The following PSMF1 variants were observed in gnomAD, a reference collection of about 807,000 sequenced individuals.
The protein encoded by PSMF1 is proteasome inhibitor PI31 subunit.
PSMF1 carries 30 observed loss-of-function variants against 29.3 expected under a neutral mutation model. The observed-to-expected ratio is 1.02, with a 90% confidence interval of 0.77 to 1.39. PSMF1 has a LOEUF of 1.39. Ranked by LOEUF, PSMF1 falls within the 40% of genes most tolerant of loss-of-function variation. The probability of loss-of-function intolerance (pLI) is 0.00; values close to 1 mark genes in which losing one functional copy is unlikely to be tolerated. For synonymous variants in PSMF1, 134 were observed against 139.7 expected (o/e 0.96, Z 0.29); for missense variants, 344 against 357.5 (o/e 0.96, Z 0.31).
At chr20:1,130,910 C>T (rs190368836) in intron 3 of PSMF1, among the ~76,000 whole-genome samples, 1 of 152,346 alleles carries the variant, frequency 6.6e-6, no homozygotes, top group East Asian at 1.9e-4. Context: ...CATTTACCTT[C>T]TTAGGGTTGG....
intron 4 of PSMF1, among the ~76,000 whole-genome samples, chr20:1,146,079 C>T (rs2086445519): frequency 6.6e-6 from 1 of 152,120 alleles, no homozygotes; most frequent in South Asian, 2.1e-4. Flanking sequence ...GGTTGGGCCC[C>T]TGCTTTAGAG....
Position 1,166,315 on chromosome 20 carries a change from A to C in PSMF1, c.*1235A>C. The stretch of plus-strand genomic sequence containing the variant: ...GCACCAGGCTAAGAGGCACGAGATC[A>C]AGGCGGTAGTCACTTCCGCTCTGCA... On this transcript the variant is annotated 3_prime_UTR_variant, in exon 7 of 7. Transcript: ENST00000335877. The C allele has an allele frequency of 2.4e-5, 37 of 1,533,604 alleles. No homozygotes were observed. Among genetic ancestry groups the C allele is most frequent in the Non-Finnish European group, 3.1e-5 (35 of 1,112,490 alleles). 95.0% of individuals were successfully genotyped at this position (1,533,604 alleles called of 1,614,324 possible).
chr20:1,162,617 A>G (rs1208530350), intron 4 of PSMF1, among the ~76,000 whole-genome samples: 1 of 152,184 alleles, frequency 6.6e-6, no homozygotes, highest in African/African-American at 2.4e-5. Flanking sequence ...TCCTGCAGGT[A>G]CAGTGCATAA....
rs1435313098 is a variant in PSMF1 at position 1,163,014 on chromosome 20, T to C, written c.552-116T>C. 3 of 1,081,320 alleles carry C rather than the reference T, an allele frequency of 2.8e-6. No homozygotes were observed. Among genetic ancestry groups the C allele is most frequent in the Admixed American group, 2.0e-5 (1 of 50,014 alleles). The allele number at this position is 1,081,320 out of a possible 1,614,324, so 67.0% of individuals were successfully genotyped here. A position where few individuals can be genotyped will look rare whatever the true frequency, so the allele number is the denominator to read the frequency against. On this transcript the variant is annotated intron_variant, in intron 4 of 6. Transcript: ENST00000335877. The surrounding 1 kb of genome is among the most constrained non-coding windows in gnomAD (Gnocchi z 6.1). ...GCCAAGGACCACCCTGAAATATCCC[T>C]TGTGCTATGGTCTCATGCAAGGGTT...
At chr20:1,124,462 G>A (rs533968199) in intron 1 of PSMF1, among the ~76,000 whole-genome samples, 2 of 152,128 alleles carry the variant, frequency 1.3e-5, no homozygotes, top group African/African-American at 4.8e-5. Context: ...TTCATACATT[G>A]CTAGTGGGAG....
intron 4 of PSMF1, among the ~76,000 whole-genome samples, chr20:1,144,476 G>A (rs1568474605): frequency 1.3e-5 from 2 of 152,202 alleles, no homozygotes; most frequent in African/African-American, 4.8e-5. Flanking sequence ...CCTGTACACA[G>A]ATGTTCAGAA....
At chr20:1,155,233 GA>G (rs2086579218) in intron 4 of PSMF1, among the ~76,000 whole-genome samples, 1 of 152,226 alleles carries the variant, frequency 6.6e-6, no homozygotes, top group African/African-American at 2.4e-5. Context: ...CTGGCTAAAG[GA>G]GCAGGGAAAG....
chr20:1,155,937 G>A (rs750223348), intron 4 of PSMF1, among the ~76,000 whole-genome samples: 30 of 152,142 alleles, frequency 2.0e-4, no homozygotes, highest in Non-Finnish European at 7.3e-5. Flanking sequence ...AAAGACAACC[G>A]ATGTCAGTAT....
In PSMF1 at chr20:1,167,993, C is replaced by CCAA. The variant is rs1389176493; in HGVS notation, c.*2915_*2917dup. The CCAA allele has an allele frequency of 6.6e-6, 1 of 152,238 alleles. No individual in the cohort carries two copies. The highest frequency in any genetic ancestry group is 1.5e-5 in the Non-Finnish European group (1 of 68,036). 9.4% of individuals were successfully genotyped at this position (152,238 alleles called of 1,614,324 possible). On this transcript the variant is annotated 3_prime_UTR_variant, in exon 7 of 7. Transcript: ENST00000335877. ...GGGTTCCAGTTTCCCCACATCTTCACCAACTCTTGTTATTTTTCATGCTTA... is the reference window on the plus strand; with the variant it reads ...GGGTTCCAGTTTCCCCACATCTTCACCAACAACTCTTGTTATTTTTCATGCTTA...
rs2086785367 is a variant in PSMF1 at position 1,171,075 on chromosome 20, C to CTGGGAAA, written c.*5995_*5996insTGGGAAA. 6.6e-6 allele frequency among the ~76,000 whole-genome samples: 1 copy of CTGGGAAA among 152,110 alleles called. No homozygotes were observed. The highest frequency in any genetic ancestry group is 2.4e-5 in the African/African-American group (1 of 41,420). ...GAGGTGCATGGGTCCCTGGGCAAAA[C>CTGGGAAA]CCATTCCAGAAGCTGGGAAACCACG... On this transcript the variant is annotated 3_prime_UTR_variant, in exon 7 of 7. Coordinates refer to ENST00000335877, the MANE Select transcript of PSMF1 (RefSeq NM_006814.5).
chr20:1,161,912 G>A (rs970194963), intron 4 of PSMF1, among the ~76,000 whole-genome samples: 21 of 152,162 alleles, frequency 1.4e-4, no homozygotes, highest in African/African-American at 4.8e-4. Flanking sequence ...TGTTCTCTTG[G>A]TATTTGTTTA....
chr20:1,130,313 G>A (rs1428398841), intron 3 of PSMF1, among the ~76,000 whole-genome samples: 2 of 152,132 alleles, frequency 1.3e-5, no homozygotes, highest in Admixed American at 1.3e-4. Context: ...TGGTTAAGAT[G>A]GTAAATTTTA....
intron 4 of PSMF1, chr20:1,160,756 C>T (rs560483260): frequency 4.6e-6 from 2 of 435,146 alleles, no homozygotes; most frequent in East Asian, 1.3e-4. Context: ...GGCGACAAGG[C>T]CCAGAGCAAG....
At chr20:1,134,634 G>C (rs2086278058) in intron 3 of PSMF1, among the ~76,000 whole-genome samples, 1 of 152,110 alleles carries the variant, frequency 6.6e-6, no homozygotes, top group Admixed American at 6.6e-5. Flanking sequence ...TGGGACAGGT[G>C]GTAGGGGCAG....
rs930620794 is a variant in PSMF1 at position 1,167,866 on chromosome 20, T to A, written c.*2786T>A. Reference sequence around the variant, plus strand: ...TTTGGGTATATACCAAGGAGTGGAATTGCTGGTTCACATGGTAGCTCTATA... The same window carrying A: ...TTTGGGTATATACCAAGGAGTGGAAATGCTGGTTCACATGGTAGCTCTATA... On this transcript the variant is annotated 3_prime_UTR_variant, in exon 7 of 7. Coordinates refer to ENST00000335877, the MANE Select transcript of PSMF1 (RefSeq NM_006814.5). 1.4e-4 allele frequency: 21 copies of A among 152,234 alleles called. No individual in the cohort carries two copies. Among genetic ancestry groups the A allele is most frequent in the African/African-American group, 5.1e-4 (21 of 41,462 alleles). The allele number at this position is 152,234 out of a possible 1,614,324, so 9.4% of individuals were successfully genotyped here. A position where few individuals can be genotyped will look rare whatever the true frequency, so the allele number is the denominator to read the frequency against.
rs3087751 is a variant in PSMF1 at position 1,166,766 on chromosome 20, A to C, written c.*1686A>C. 92,499 of 155,944 alleles carry C rather than the reference A, an allele frequency of 0.59. 27,729 individuals carry two copies. The highest frequency in any genetic ancestry group is 0.84 in the East Asian group (4,495 of 5,370). The allele number at this position is 155,944 out of a possible 1,614,324, so 9.7% of individuals were successfully genotyped here. A position where few individuals can be genotyped will look rare whatever the true frequency, so the allele number is the denominator to read the frequency against. On this transcript the variant is annotated 3_prime_UTR_variant, in exon 7 of 7. Coordinates refer to ENST00000335877, the MANE Select transcript of PSMF1 (RefSeq NM_006814.5). Reference sequence around the variant, plus strand: ...AATCATTACTCATAACCTTTGAGAGATGGCAAATGGGAGGAGTGTTAGTCT... The same window carrying C: ...AATCATTACTCATAACCTTTGAGAGCTGGCAAATGGGAGGAGTGTTAGTCT...
At position 1,167,351 on chromosome 20, in the gene PSMF1, T is replaced by C. The variant is rs1344906833; in HGVS notation, c.*2271T>C. The C allele has an allele frequency of 7.2e-5, 11 of 152,174 alleles. No homozygotes were observed. Among genetic ancestry groups the C allele is most frequent in the Admixed American group, 7.2e-4 (11 of 15,282 alleles). 9.4% of individuals were successfully genotyped at this position (152,174 alleles called of 1,614,324 possible). The stretch of plus-strand genomic sequence containing the variant: ...TTCCTCCTTTTTTAAATAGCAGCTT[T>C]ATTGAGATATAATTTACATACCCAT... On this transcript the variant is annotated 3_prime_UTR_variant, in exon 7 of 7. Coordinates refer to ENST00000335877, the MANE Select transcript of PSMF1 (RefSeq NM_006814.5).
intron 2 of PSMF1, among the ~76,000 whole-genome samples, chr20:1,126,833 C>T (rs544735218): frequency 1.3e-5 from 2 of 152,126 alleles, no homozygotes; most frequent in African/African-American, 2.4e-5. Context: ...GAGCTGAGAT[C>T]GTGCCACTGA....
At chr20:1,160,219 C>T (rs1473851659) in intron 4 of PSMF1, among the ~76,000 whole-genome samples, 1 of 151,986 alleles carries the variant, frequency 6.6e-6, no homozygotes, top group Non-Finnish European at 1.5e-5. Flanking sequence ...ACACGTTTTT[C>T]ACCGTTGATT....
Sources: gnomAD v4.1 joint callset for allele counts (sites outside exome capture counted in the v4.1 genomes callset) on GRCh38, gnomAD v4.1.1 for gene constraint, Gnocchi (gnomAD v3.1) non-coding constraint, MANE v1.5 for transcripts, NCBI Gene and HGNC (gene_info 2026-07-23, HGNC 2026-07-21) for gene names.